Variants in CDC25A observed in about 807,000 individuals in gnomAD.
The protein encoded by CDC25A is cell division cycle 25A, also known as M-phase inducer phosphatase 1.
Under a neutral mutation model 64.6 loss-of-function variants are expected in CDC25A, and 17 were observed. The observed-to-expected ratio is 0.26, with a 90% CI of 0.18 to 0.39. The LOEUF is 0.39. CDC25A is among the 10% of genes least tolerant of loss of function. The pLI, the probability that CDC25A is intolerant of heterozygous loss-of-function variation, is 1.00. For synonymous variants in CDC25A, 229 were observed against 238.6 expected (o/e 0.96, Z 0.37); for missense variants, 473 against 654.8 (o/e 0.72, Z 3.03).
rs1418824724 is a variant in CDC25A, at chr3:48,157,974, C to T, written c.*971G>A. Reference sequence around the variant, plus strand: ...AGGAAGATACTCAGTGGACATGCTCCTCCCCCATCCTGTGGAGCCCACCTA... The same window carrying T: ...AGGAAGATACTCAGTGGACATGCTCTTCCCCCATCCTGTGGAGCCCACCTA... On this transcript the variant is annotated 3_prime_UTR_variant, in exon 15 of 15. Coordinates refer to ENST00000302506, the MANE Select transcript of CDC25A (RefSeq NM_001789.3). 1 of 152,256 alleles carries T rather than the reference C, an allele frequency of 6.6e-6. No individual in the cohort carries two copies. The highest frequency in any genetic ancestry group is 6.5e-5 in the Admixed American group (1 of 15,272). The allele number at this position is 152,256 out of a possible 1,614,324, so 9.4% of individuals were successfully genotyped here.
intron 6 of CDC25A, among the ~76,000 whole-genome samples, chr3:48,180,087 T>C (rs1449660465): frequency 3.3e-5 from 5 of 152,086 alleles, no homozygotes; most frequent in Admixed American, 3.3e-4. Context: ...TAATCCATAA[T>C]AGTTCTTTAA....
chr3:48,171,981 C>A (rs1250306901), intron 9 of CDC25A, among the ~76,000 whole-genome samples: 1 of 151,920 alleles, frequency 6.6e-6, no homozygotes, highest in Non-Finnish European at 1.5e-5. Context: ...CACAGTAAGA[C>A]CTCTTTTCTA....
intron 4 of CDC25A, 128 bp from the exon 5 acceptor site, chr3:48,183,158 T>C: frequency 3.2e-6 from 2 of 631,502 alleles, no homozygotes. Flanking sequence ...CTGCAGTAGG[T>C]AACCAGTAAA....
At chr3:48,162,191 T>G (rs2031796634) in intron 13 of CDC25A, among the ~76,000 whole-genome samples, 1 of 152,142 alleles carries the variant, frequency 6.6e-6, no homozygotes, top group Non-Finnish European at 1.5e-5. Context: ...TGCCTGTGTG[T>G]AGAGCATGTA....
At chr3:48,162,429 CTG>C (rs1485711680) in intron 13 of CDC25A, among the ~76,000 whole-genome samples, 4 of 152,022 alleles carry the variant, frequency 2.6e-5, no homozygotes, top group Non-Finnish European at 5.9e-5. Context: ...TGTGGTCCCA[CTG>C]TGTTACCCAG....
At chr3:48,167,783 A>T (rs2032086090) in intron 10 of CDC25A, 63 bp downstream of exon 10, 9 of 875,886 alleles carry the variant, frequency 1.0e-5, no homozygotes, top group Non-Finnish European at 1.8e-5. Context: ...AGACAGGCTG[A>T]GTGGGATTCT....
intron 8 of CDC25A, among the ~76,000 whole-genome samples, chr3:48,177,078 A>C (rs1407394835): frequency 3.3e-5 from 5 of 152,218 alleles, no homozygotes; most frequent in African/African-American, 1.2e-4. Context: ...TAACCTAAAA[A>C]AAGTAAAGTA....
intron 7 of CDC25A, 137 bp from the exon 8 acceptor site, chr3:48,177,579 G>A (rs1284717229): frequency 1.4e-5 from 10 of 721,854 alleles, no homozygotes; most frequent in Non-Finnish European, 1.7e-5. Context: ...ATCCTATACC[G>A]TTCTGATTTC....
At chr3:48,160,575 T>A (rs1045705887) in intron 13 of CDC25A, among the ~76,000 whole-genome samples, 1 of 151,962 alleles carries the variant, frequency 6.6e-6, no homozygotes, top group African/African-American at 2.4e-5. Context: ...CACGCCTGGC[T>A]AATTTTTGTA....
At chr3:48,162,255 A>C (rs1180846613) in intron 13 of CDC25A, among the ~76,000 whole-genome samples, 1 of 145,600 alleles carries the variant, frequency 6.9e-6, no homozygotes, top group East Asian at 2.0e-4. Context: ...AAGTGTGTGC[A>C]AGTATAACCT....
chr3:48,186,343 C>A (rs1212476684), intron 2 of CDC25A, among the ~76,000 whole-genome samples: 1 of 152,122 alleles, frequency 6.6e-6, no homozygotes, highest in Admixed American at 6.6e-5. Context: ...CCGAGGAAGG[C>A]GGATCACCTG....
intron 9 of CDC25A, among the ~76,000 whole-genome samples, chr3:48,169,149 G>A (rs2032171784): frequency 6.6e-6 from 1 of 152,132 alleles, no homozygotes; most frequent in Non-Finnish European, 1.5e-5. Context: ...TTGGAAACTG[G>A]CAAATAAAGA....
Position 48,158,711 on chromosome 3 carries a change from T to C in CDC25A, c.*234A>G. The C allele has an allele frequency of 2.0e-6, 1 of 488,072 alleles. No homozygotes were observed. The highest frequency in any genetic ancestry group is 3.7e-6 in the Non-Finnish European group (1 of 270,584). The allele number at this position is 488,072 out of a possible 1,614,324, so 30.2% of individuals were successfully genotyped here. A position where few individuals can be genotyped will look rare whatever the true frequency, so the allele number is the denominator to read the frequency against. Reference sequence around the variant, plus strand: ...TGACACGGTGCTCAGAACTGCATTGTGGCACAGTTCTGATATGGACGGAGG... The same window carrying C: ...TGACACGGTGCTCAGAACTGCATTGCGGCACAGTTCTGATATGGACGGAGG... On this transcript the variant is annotated 3_prime_UTR_variant, in exon 15 of 15. Coordinates refer to ENST00000302506, the MANE Select transcript of CDC25A (RefSeq NM_001789.3).
chr3:48,176,459 A>G (rs2032459783), intron 8 of CDC25A, among the ~76,000 whole-genome samples: 2 of 149,940 alleles, frequency 1.3e-5, no homozygotes, highest in African/African-American at 4.9e-5. Flanking sequence ...CTGTATCTAC[A>G]TATACTATGC....
intron 12 of CDC25A, among the ~76,000 whole-genome samples, chr3:48,165,107 C>CAAAAAAAAAAAAAA (rs11370901): frequency 6.6e-4 from 56 of 84,934 alleles, no homozygotes; most frequent in Non-Finnish European, 9.5e-4. Flanking sequence ...GACTCTGTCT[C>CAAAAAAAAAAAAAA]AAAAAAAAAA....
chr3:48,174,257 G>A, intron 9 of CDC25A, 27 bp downstream of exon 9: 1 of 1,586,952 alleles, frequency 6.3e-7, no homozygotes, highest in Non-Finnish European at 8.5e-7. Flanking sequence ...ATCTGTGCTA[G>A]AGCAAAAAGG....
intron 9 of CDC25A, 53 bp from the exon 10 acceptor site, chr3:48,167,997 G>A (rs2032101733): frequency 2.0e-6 from 2 of 994,802 alleles, no homozygotes; most frequent in Non-Finnish European, 3.2e-6. Context: ...TGGAACTTCC[G>A]AAAACATTCA....
Position 48,182,937 on chromosome 3 carries a change from T to C in CDC25A, c.421A>G (p.Lys141Glu). ...ATTGAAGTCACACTCACATTTTCCT[T>C]GTTCTCATCTGGGTCGATGAGCTGA... ...IFQLIDPDEN[K>E]ENEAFEFKKP... Residue 141 changes from lysine (K) to glutamate (E), a missense_variant, in exon 5 of 15, where the codon AAG (lysine) becomes GAG (glutamate). Coordinates refer to ENST00000302506, the MANE Select transcript of CDC25A (RefSeq NM_001789.3). The C allele has an allele frequency of 6.2e-7, 1 of 1,607,986 alleles. No homozygotes were observed. The highest frequency in any genetic ancestry group is 8.5e-7 in the Non-Finnish European group (1 of 1,174,350).
intron 9 of CDC25A, among the ~76,000 whole-genome samples, chr3:48,173,509 G>GA (rs2032343966): frequency 6.6e-6 from 1 of 152,202 alleles, no homozygotes; most frequent in African/African-American, 2.4e-5. Flanking sequence ...TATTGAGGCA[G>GA]AAGACTTTTA....
Sources: gnomAD v4.1 joint callset for allele counts (sites outside exome capture counted in the v4.1 genomes callset) on GRCh38, gnomAD v4.1.1 for gene constraint, MANE v1.5 for transcripts, NCBI Gene and HGNC (gene_info 2026-07-23, HGNC 2026-07-21) for gene names.